OCA2: variants seen among roughly 807,000 people sequenced by gnomAD.
The protein encoded by OCA2 is OCA2 melanosomal transmembrane protein, also known as P protein.
In OCA2, 77 loss-of-function variants were observed where a neutral mutation model predicts 100.2. The ratio of observed to expected loss-of-function variants is 0.77; its 90% CI spans 0.64 to 0.93. The LOEUF is 0.93. Among genes scored for constraint, OCA2 ranks in the 40% least tolerant of loss-of-function variants. The pLI is 0.00. For missense variants in OCA2, 1,062 were observed against 1,089.1 expected (o/e 0.98, Z 0.35); for synonymous variants, 432 against 439.2 (o/e 0.98, Z 0.21).
intron 19 of OCA2, among the ~76,000 whole-genome samples, chr15:27,899,103 C>A (rs140190758): frequency 6.6e-6 from 1 of 152,228 alleles, no homozygotes; most frequent in African/African-American, 2.4e-5. Context: ...GGATTTATTT[C>A]AGGTATGCAT....
intron 23 of OCA2, among the ~76,000 whole-genome samples, chr15:27,784,116 C>A (rs1453538853): frequency 6.6e-6 from 1 of 152,176 alleles, no homozygotes; most frequent in Non-Finnish European, 1.5e-5. Context: ...TGTCCAGCGA[C>A]AAGTAACAGC....
At chr15:27,805,345 C>G (rs1455614424) in intron 23 of OCA2, among the ~76,000 whole-genome samples, 3 of 152,236 alleles carry the variant, frequency 2.0e-5, no homozygotes, top group Non-Finnish European at 4.4e-5. Flanking sequence ...GGCAGGGAAC[C>G]GCGAAGGAGG....
intron 23 of OCA2, among the ~76,000 whole-genome samples, chr15:27,789,159 T>C (rs891510878): frequency 6.6e-6 from 1 of 150,398 alleles, no homozygotes; most frequent in Non-Finnish European, 1.5e-5. Context: ...TATAGCTGTG[T>C]ATAGCTATAT....
chr15:27,771,419 G>A (rs17651002), intron 23 of OCA2, among the ~76,000 whole-genome samples: 7,323 of 144,154 alleles, frequency 0.051, 289 homozygotes, highest in South Asian at 0.14. Context: ...GCCGCGCACG[G>A]AAATCAATGG....
chr15:27,984,302 G>A (rs779754598), intron 13 of OCA2, among the ~76,000 whole-genome samples: 3 of 152,024 alleles, frequency 2.0e-5, no homozygotes, highest in African/African-American at 7.2e-5. Flanking sequence ...GAGTGGGCCC[G>A]GGCAGTGGTG....
intron 9 of OCA2, among the ~76,000 whole-genome samples, chr15:28,002,129 A>C (rs2041947202): frequency 6.6e-6 from 1 of 152,222 alleles, no homozygotes; most frequent in African/African-American, 2.4e-5. Context: ...GGAGGCACCA[A>C]AAAAGCTGAT....
intron 23 of OCA2, among the ~76,000 whole-genome samples, chr15:27,806,661 C>G (rs1453296165): frequency 2.0e-5 from 3 of 152,250 alleles, no homozygotes; most frequent in African/African-American, 7.2e-5. Flanking sequence ...ATGAGTCTAC[C>G]TGGCACACAT....
intron 18 of OCA2, among the ~76,000 whole-genome samples, chr15:27,931,626 A>G (rs1271839433): frequency 1.3e-5 from 2 of 150,050 alleles, no homozygotes; most frequent in African/African-American, 4.9e-5. Flanking sequence ...GTGAGCCACC[A>G]CGCCCAGCCT....
intron 23 of OCA2, among the ~76,000 whole-genome samples, chr15:27,800,369 T>A (rs8036440): frequency 0.73 from 110,621 of 151,684 alleles, 41,660 homozygotes; most frequent in East Asian, 0.99. Flanking sequence ...CAATGAAATT[T>A]AAAAAAACAC....
chr15:27,927,470 T>C (rs1382615767), intron 18 of OCA2, among the ~76,000 whole-genome samples: 1 of 152,248 alleles, frequency 6.6e-6, no homozygotes, highest in Non-Finnish European at 1.5e-5. Flanking sequence ...AACATTCATA[T>C]ACAAGTTTTT....
In OCA2 at chr15:27,930,438, T is replaced by G. The variant is rs1023585551; in HGVS notation, c.1952-4184A>C. On this transcript the variant is annotated intron_variant, in intron 18 of 23. Coordinates refer to ENST00000354638, the MANE Select transcript of OCA2 (RefSeq NM_000275.3). The stretch of plus-strand genomic sequence containing the variant: ...AATATAAAGTTCTAGAAAATTTAAA[T>G]AGCAGGGTTTGACAAGCTATAGTCC... Among the ~76,000 whole-genome samples the G allele has an allele frequency of 3.3e-5, 5 of 151,978 alleles. No individual in the cohort carries two copies. The South Asian group carries it at 1.0e-3, about 32-fold the overall frequency.
At chr15:28,070,752 C>T (rs2044233226) in intron 2 of OCA2, among the ~76,000 whole-genome samples, 2 of 149,110 alleles carry the variant, frequency 1.3e-5, no homozygotes, top group Non-Finnish European at 3.0e-5. Context: ...ATTGAGAAAT[C>T]GGATGGTTGC....
chr15:27,908,406 G>GTA (rs10542069), intron 19 of OCA2, among the ~76,000 whole-genome samples: 1 of 151,816 alleles, frequency 6.6e-6, no homozygotes, highest in African/African-American at 2.4e-5. Flanking sequence ...ATTACATTAG[G>GTA]TATATATATC....
intron 23 of OCA2, among the ~76,000 whole-genome samples, chr15:27,766,093 T>C (rs1251315808): frequency 6.6e-6 from 1 of 152,176 alleles, no homozygotes; most frequent in Non-Finnish European, 1.5e-5. Context: ...TGTCAGCCTC[T>C]ATCTAAAATG....
intron 17 of OCA2, 142 bp from the exon 18 acceptor site, chr15:27,952,034 G>C: frequency 1.4e-6 from 1 of 719,638 alleles, no homozygotes; most frequent in Non-Finnish European, 2.5e-6. Context: ...AAATGGCAAA[G>C]TACTGTGTTA....
chr15:27,807,589 T>C (rs1253535995), intron 23 of OCA2, among the ~76,000 whole-genome samples: 4 of 152,112 alleles, frequency 2.6e-5, no homozygotes, highest in Non-Finnish European at 5.9e-5. Context: ...ACATGCTCCT[T>C]TGCTTGATGG....
At chr15:28,096,476 C>T (rs2044985787) in intron 1 of OCA2, among the ~76,000 whole-genome samples, 1 of 152,164 alleles carries the variant, frequency 6.6e-6, no homozygotes, top group Non-Finnish European at 1.5e-5. Flanking sequence ...AGGGAGGGGG[C>T]AGGAGAAGCC....
chr15:27,750,061 T>C (rs2030016051), downstream of OCA2, among the ~76,000 whole-genome samples: 1 of 152,168 alleles, frequency 6.6e-6, no homozygotes, highest in Admixed American at 6.5e-5. Flanking sequence ...AATCACTCTA[T>C]CTCCCTCTGA....
intron 19 of OCA2, among the ~76,000 whole-genome samples, chr15:27,913,088 A>G (rs2038458332): frequency 6.6e-6 from 1 of 152,246 alleles, no homozygotes; most frequent in Admixed American, 6.5e-5. Flanking sequence ...GAAATTCAAG[A>G]CATATGATAA....
Sources: gnomAD v4.1 joint callset for allele counts (sites outside exome capture counted in the v4.1 genomes callset) on GRCh38, gnomAD v4.1.1 for gene constraint, MANE v1.5 for transcripts, NCBI Gene and HGNC (gene_info 2026-07-23, HGNC 2026-07-21) for gene names.